The following EPB41 variants were observed in gnomAD, a reference collection of about 807,000 sequenced individuals.
EPB41 encodes erythrocyte membrane protein band 4.1, also known as protein 4.1.
A neutral mutation model predicts 108.0 loss-of-function variants in EPB41; 65 were observed. That is an observed-to-expected ratio of 0.60 (90% CI 0.49 to 0.74). The LOEUF is 0.74. Ranked by LOEUF, EPB41 falls within the 30% of genes least tolerant of loss-of-function variation. The pLI is 0.00. For missense variants in EPB41, 875 were observed against 1,037.0 expected, an observed-to-expected ratio of 0.84 and a Z score of 2.15; for synonymous variants, 336 against 358.9, an observed-to-expected ratio of 0.94 and a Z score of 0.72.
chr1:28,997,190 A>G (rs548455058), intron 3 of EPB41, 25 bp from the exon 4 acceptor site: 1 of 1,532,948 alleles, frequency 6.5e-7, no homozygotes, highest in Admixed American at 1.7e-5. Context: ...ACCTCAACTC[A>G]ACTAAGTCAC....
intron 17 of EPB41, among the ~76,000 whole-genome samples, chr1:29,101,883 G>A (rs1665533727): frequency 6.6e-6 from 1 of 152,152 alleles, no homozygotes; most frequent in Non-Finnish European, 1.5e-5. Context: ...CTGGGGAACA[G>A]AGTGAGGACC....
At chr1:28,996,943 G>T (rs990569895) in intron 3 of EPB41, among the ~76,000 whole-genome samples, 1 of 151,994 alleles carries the variant, frequency 6.6e-6, no homozygotes, top group Non-Finnish European at 1.5e-5. Flanking sequence ...ACTTGAGCCC[G>T]GGAGTTCAAA....
chr1:28,900,554 C>T (rs1190940603), intron 1 of EPB41, among the ~76,000 whole-genome samples: 11 of 152,090 alleles, frequency 7.2e-5, no homozygotes, highest in African/African-American at 2.7e-4. Context: ...TCCCAAAGTG[C>T]TGGGATTACA....
At chr1:29,034,751 A>C (rs931617276) in intron 9 of EPB41, among the ~76,000 whole-genome samples, 7 of 152,316 alleles carry the variant, frequency 4.6e-5, no homozygotes, top group African/African-American at 1.7e-4. Context: ...AGAAATATTT[A>C]ATGATTCAAG....
intron 16 of EPB41, chr1:29,068,711 T>C: frequency 8.1e-7 from 1 of 1,231,098 alleles, no homozygotes; most frequent in Non-Finnish European, 1.0e-6. Flanking sequence ...AACTGAATTT[T>C]ATATAATTTG....
intron 1 of EPB41, among the ~76,000 whole-genome samples, chr1:28,894,272 G>A (rs534462872): frequency 2.6e-5 from 4 of 152,324 alleles, no homozygotes; most frequent in African/African-American, 4.8e-5. Context: ...ATAGTAGCAC[G>A]TAGTAGGTGC....
At chr1:28,999,796 T>G (rs540744342) in intron 4 of EPB41, among the ~76,000 whole-genome samples, 48 of 152,268 alleles carry the variant, frequency 3.2e-4, no homozygotes, top group African/African-American at 1.1e-3. Context: ...TTTCACTTTT[T>G]TTTTTGAGAC....
intron 16 of EPB41, among the ~76,000 whole-genome samples, chr1:29,068,109 A>G (rs1649303298): frequency 1.3e-5 from 2 of 152,220 alleles, no homozygotes; most frequent in African/African-American, 2.4e-5. Flanking sequence ...CAAGTAATTT[A>G]TCATATTGGG....
intron 12 of EPB41, 105 bp from the exon 13 acceptor site, chr1:29,058,484 C>A: frequency 3.1e-6 from 3 of 973,520 alleles, no homozygotes; most frequent in Admixed American, 2.0e-5. Flanking sequence ...TACGTATCAG[C>A]GTATTTCACA....
At chr1:29,061,541 T>A (rs1252855061) in intron 15 of EPB41, among the ~76,000 whole-genome samples, 1 of 150,216 alleles carries the variant, frequency 6.7e-6, no homozygotes, top group Non-Finnish European at 1.5e-5. Flanking sequence ...AGTGCTGGGG[T>A]TACAGGCGTG....
At position 29,117,929 on chromosome 1, in the gene EPB41, A is replaced by C. The variant is rs1030526730; in HGVS notation, c.*1117A>C. The C allele has an allele frequency of 3.9e-5, 6 of 152,446 alleles. No homozygotes were observed. The highest frequency in any genetic ancestry group is 1.4e-4 in the African/African-American group (6 of 41,394). The allele number at this position is 152,446 out of a possible 1,614,324, so 9.4% of individuals were successfully genotyped here. ...GACTTTTAGGAGCCGTTCTCCCCAC[A>C]AGACACCACATGACAAGGGGTATAA... is the stretch of plus-strand genomic sequence containing the variant. On this transcript the variant is annotated 3_prime_UTR_variant, in exon 21 of 21. Transcript: ENST00000343067.
intron 17 of EPB41, among the ~76,000 whole-genome samples, chr1:29,103,090 G>A (rs1025959692): frequency 1.3e-5 from 2 of 152,144 alleles, no homozygotes; most frequent in Non-Finnish European, 2.9e-5. Context: ...TATATTTTTA[G>A]TAGAGACAGG....
At chr1:28,894,867 T>C (rs1379454905) in intron 1 of EPB41, among the ~76,000 whole-genome samples, 1 of 152,174 alleles carries the variant, frequency 6.6e-6, no homozygotes, top group Admixed American at 6.5e-5. Context: ...GACTATGTGT[T>C]CCTCTTTCTG....
chr1:28,919,480 T>C (rs896391607), intron 1 of EPB41, among the ~76,000 whole-genome samples: 4 of 152,142 alleles, frequency 2.6e-5, no homozygotes, highest in South Asian at 2.1e-4. Context: ...TTTTTTTTTT[T>C]TGAGGCAGGG....
chr1:29,079,928 G>A (rs1483567873), intron 16 of EPB41, among the ~76,000 whole-genome samples: 4 of 151,864 alleles, frequency 2.6e-5, no homozygotes, highest in African/African-American at 4.8e-5. Flanking sequence ...CCTGGGTGGC[G>A]GAGGTTGCAG....
At chr1:28,925,407 A>C (rs992831251) in intron 1 of EPB41, among the ~76,000 whole-genome samples, 1 of 152,172 alleles carries the variant, frequency 6.6e-6, no homozygotes, top group African/African-American at 2.4e-5. Flanking sequence ...CACCACACCC[A>C]GCCTGGAGCT....
chr1:29,052,363 C>A (rs12027267), intron 11 of EPB41, among the ~76,000 whole-genome samples: 46,442 of 152,134 alleles, frequency 0.31, 8,875 homozygotes, highest in Non-Finnish European at 0.41. Flanking sequence ...CAGTTGAGAA[C>A]CACTGCCCTA....
chr1:28,937,128 T>C (rs758211734), intron 1 of EPB41, among the ~76,000 whole-genome samples: 5 of 152,216 alleles, frequency 3.3e-5, no homozygotes, highest in Non-Finnish European at 5.9e-5. Context: ...AAATGGTACC[T>C]CATAGGGGTT....
At chr1:28,914,331 C>A (rs2092416262), upstream of EPB41, among the ~76,000 whole-genome samples, 1 of 152,240 alleles carries the variant, frequency 6.6e-6, no homozygotes. Context: ...ACGCGGCCAG[C>A]CCCTTGCCTT....
Sources: gnomAD v4.1 joint callset for allele counts (sites outside exome capture counted in the v4.1 genomes callset) on GRCh38, gnomAD v4.1.1 for gene constraint, MANE v1.5 for transcripts, NCBI Gene and HGNC (gene_info 2026-07-23, HGNC 2026-07-21) for gene names.